The following PIAS2 variants were observed in gnomAD, a reference collection of about 807,000 sequenced individuals.
PIAS2 encodes E3 SUMO-protein ligase PIAS2.
PIAS2 carries 19 observed loss-of-function variants against 69.7 expected under a neutral mutation model. The observed-to-expected ratio is 0.27, with a 90% confidence interval of 0.19 to 0.40. The LOEUF is 0.40. Ranked by LOEUF, PIAS2 falls within the 10% of genes least tolerant of loss-of-function variation. PIAS2 has a pLI of 1.00. For synonymous variants in PIAS2, 261 were observed against 263.2 expected, an observed-to-expected ratio of 0.99 and a Z score of 0.08; for missense variants, 624 against 757.0, an observed-to-expected ratio of 0.82 and a Z score of 2.06.
intron 12 of PIAS2, chr18:46,816,514 G>T: frequency 1.1e-6 from 1 of 884,868 alleles, no homozygotes; most frequent in Non-Finnish European, 1.4e-6. Flanking sequence ...AGTCTGCTCT[G>T]TTGCCCAGGC....
At position 46,890,631 on chromosome 18, in the gene PIAS2, T is replaced by C. The variant is rs748654784; in HGVS notation, c.448A>G (p.Asn150Asp). The C allele has an allele frequency of 1.2e-6, 2 of 1,614,144 alleles. No homozygotes were observed. The highest frequency in any genetic ancestry group is 3.3e-4 in the Middle Eastern group (2 of 6,062). The change falls in exon 2 of 14, where the codon AAT becomes GAT. Residue 150 changes from asparagine to aspartate, a missense_variant. By Grantham distance (23) the Asn-to-Asp change is conservative. Around this residue, in one of 3 missense-constraint regions of PIAS2, gnomAD observed 339 missense variants for 408.8 expected, o/e 0.83. Coordinates refer to ENST00000585916, the MANE Select transcript of PIAS2 (RefSeq NM_004671.5). ...PPVHPDVQLK[N>D]LPFYDVLDVL... Reference sequence around the variant, plus strand: ...TCAAGGACATCATAAAAGGGCAGATTTTTTAACTGCACATCAGGATGGACA... The same window carrying C: ...TCAAGGACATCATAAAAGGGCAGATCTTTTAACTGCACATCAGGATGGACA...
chr18:46,848,502 G>A (rs1317217393), intron 5 of PIAS2, among the ~76,000 whole-genome samples: 1 of 152,098 alleles, frequency 6.6e-6, no homozygotes, highest in African/African-American at 2.4e-5. Context: ...GCTAAAATAT[G>A]CACCTTAGGA....
rs747510195 is a variant in PIAS2 at position 46,812,424 on chromosome 18, A to G, written c.*9T>C. ...GATGAATGATTCCCAGAATCAAGTG[A>G]GTCCTCCTTTAGTCCAATGAGATGA... On this transcript the variant is annotated 3_prime_UTR_variant, in exon 14 of 14. Transcript: ENST00000585916. 5 of 1,574,456 alleles carry G rather than the reference A, an allele frequency of 3.2e-6. No individual in the cohort carries two copies. The highest frequency in any genetic ancestry group is 4.4e-6 in the Non-Finnish European group (5 of 1,148,576).
At chr18:46,813,724 CA>C (rs745830514) in intron 13 of PIAS2, among the ~76,000 whole-genome samples, 9 of 152,102 alleles carry the variant, frequency 5.9e-5, no homozygotes, top group Non-Finnish European at 8.8e-5. Flanking sequence ...AGTTGCCAGC[CA>C]GAGGGACAGC....
At position 46,808,776 on chromosome 18, in the gene PIAS2, A is replaced by C. The variant is rs1488769781; in HGVS notation, c.*3657T>G. On this transcript the variant is annotated 3_prime_UTR_variant, in exon 14 of 14. Transcript: ENST00000585916. The stretch of plus-strand genomic sequence containing the variant: ...GAAGAAAATCTTTCAGGAAAAATTA[A>C]GAAAATAAAAATGTTTACTAAAGAA... 6.6e-6 allele frequency: 1 copy of C among 152,102 alleles called. No homozygotes were observed. The highest frequency in any genetic ancestry group is 1.5e-5 in the Non-Finnish European group (1 of 68,020). 9.4% of individuals were successfully genotyped at this position (152,102 alleles called of 1,614,324 possible). A position where few individuals can be genotyped will look rare whatever the true frequency, so the allele number is the denominator to read the frequency against.
In PIAS2 at chr18:46,812,206, G is replaced by T. The variant is rs1024564085; in HGVS notation, c.*227C>A. 2.5e-6 allele frequency: 1 copy of T among 400,356 alleles called. No individual in the cohort carries two copies. Among genetic ancestry groups the T allele is most frequent in the Non-Finnish European group, 4.5e-6 (1 of 223,886 alleles). The allele number at this position is 400,356 out of a possible 1,614,324, so 24.8% of individuals were successfully genotyped here. ...CTCTCAGGAAGATACAGTTATGGTT[G>T]AATGTATCTGATGCTGAGAGTACAG... On this transcript the variant is annotated 3_prime_UTR_variant, in exon 14 of 14. Coordinates refer to ENST00000585916, the MANE Select transcript of PIAS2 (RefSeq NM_004671.5).
chr18:46,895,503 T>C (rs548751830), intron 1 of PIAS2, among the ~76,000 whole-genome samples: 1 of 152,054 alleles, frequency 6.6e-6, no homozygotes, highest in Non-Finnish European at 1.5e-5. Context: ...AAACCCTGTC[T>C]CTACTAAAAA....
chr18:46,909,346 A>G (rs2057000917), intron 1 of PIAS2, among the ~76,000 whole-genome samples: 1 of 152,116 alleles, frequency 6.6e-6, no homozygotes, highest in African/African-American at 2.4e-5. Flanking sequence ...TCCTAGCTTC[A>G]GGTGATCCTC....
intron 2 of PIAS2, among the ~76,000 whole-genome samples, chr18:46,876,613 C>T (rs562113757): frequency 2.4e-4 from 36 of 152,090 alleles, no homozygotes; most frequent in Middle Eastern, 3.4e-3. Flanking sequence ...CCCGATGGAA[C>T]CATAACAACA....
At chr18:46,855,992 C>CTTTTTTTTTT (rs1256937354) in intron 3 of PIAS2, among the ~76,000 whole-genome samples, 1 of 69,148 alleles carries the variant, frequency 1.4e-5, no homozygotes, top group Non-Finnish European at 3.0e-5. Context: ...TTTTCTTTTT[C>CTTTTTTTTTT]TTTTGTTTTT....
chr18:46,851,735 A>AG (rs1438855535), intron 5 of PIAS2, among the ~76,000 whole-genome samples: 20 of 152,248 alleles, frequency 1.3e-4, no homozygotes, highest in Admixed American at 1.3e-3. Flanking sequence ...TTAACAGTCT[A>AG]GGGACACGTT....
At chr18:46,870,387 A>G (rs2957007) in intron 2 of PIAS2, among the ~76,000 whole-genome samples, 80,010 of 151,740 alleles carry the variant, frequency 0.53, 21,324 homozygotes, top group Middle Eastern at 0.56. Flanking sequence ...AGGCCGAGGC[A>G]GGTGGATCAC....
intron 1 of PIAS2, chr18:46,916,729 G>GT (rs2057964589): frequency 1.3e-6 from 1 of 762,928 alleles, no homozygotes; most frequent in African/African-American, 1.9e-5. Context: ...AAATATCGAG[G>GT]TTTAAGGCCG....
At chr18:46,850,424 A>G (rs2046791647) in intron 5 of PIAS2, among the ~76,000 whole-genome samples, 1 of 152,126 alleles carries the variant, frequency 6.6e-6, no homozygotes, top group Admixed American at 6.6e-5. Flanking sequence ...TGGAGAAACC[A>G]GGACTTTTGA....
intron 1 of PIAS2, among the ~76,000 whole-genome samples, chr18:46,900,161 T>G (rs568882767): frequency 8.5e-5 from 13 of 152,090 alleles, no homozygotes; most frequent in African/African-American, 3.1e-4. Flanking sequence ...GGTTAGGAGT[T>G]CATGACCAGC....
intron 3 of PIAS2, among the ~76,000 whole-genome samples, chr18:46,862,774 CG>C (rs1555767054): frequency 6.6e-6 from 1 of 151,944 alleles, no homozygotes; most frequent in Non-Finnish European, 1.5e-5. Flanking sequence ...GGTGCGATCT[CG>C]GCTCACTGCA....
intron 2 of PIAS2, among the ~76,000 whole-genome samples, chr18:46,867,540 G>A (rs1235325070): frequency 6.6e-6 from 1 of 152,032 alleles, no homozygotes; most frequent in Non-Finnish European, 1.5e-5. Context: ...CTACAATTTG[G>A]GAATCAGAAA....
chr18:46,917,010 C>A, intron 1 of PIAS2: 4 of 986,840 alleles, frequency 4.1e-6, no homozygotes, highest in Non-Finnish European at 4.8e-6. Flanking sequence ...CACTGCGAAC[C>A]GGGATGTCGG....
chr18:46,827,267 G>T, intron 11 of PIAS2: 1 of 152,098 alleles, frequency 6.6e-6, no homozygotes, highest in East Asian at 1.9e-4. Flanking sequence ...AAACCTCTCT[G>T]AAAAAGCAAC....
Sources: gnomAD v4.1 joint callset for allele counts (sites outside exome capture counted in the v4.1 genomes callset) on GRCh38, gnomAD v4.1.1 for gene constraint, gnomAD v4.1.1 regional missense constraint, MANE v1.5 for transcripts, NCBI Gene and HGNC (gene_info 2026-07-23, HGNC 2026-07-21) for gene names.